The following BUB1 variants were observed in gnomAD, a reference collection of about 807,000 sequenced individuals.
BUB1 encodes BUB1 mitotic checkpoint serine/threonine kinase.
A neutral mutation model predicts 135.2 loss-of-function variants in BUB1; 84 were observed. The observed-to-expected ratio is 0.62, with a 90% CI of 0.52 to 0.74. The LOEUF (loss-of-function observed/expected upper bound fraction) is 0.74, where lower values mean the gene tolerates loss of function less well. Among genes scored for constraint, BUB1 ranks in the 30% least tolerant of loss-of-function variants. The pLI, the probability that BUB1 is intolerant of heterozygous loss-of-function variation, is 0.00. For missense variants in BUB1, 1,162 were observed against 1,288.3 expected, an observed-to-expected ratio of 0.90 and a Z score of 1.50; for synonymous variants, 403 against 434.4, an observed-to-expected ratio of 0.93 and a Z score of 0.90.
Position 110,641,468 on chromosome 2 carries a change from G to C in BUB1, c.2626-4C>G. The C allele has an allele frequency of 6.3e-7, 1 of 1,597,430 alleles. No homozygotes were observed. Among genetic ancestry groups the C allele is most frequent in the East Asian group, 2.2e-5 (1 of 44,730 alleles). ...TTTTATAGAGGTTAATGGCATTCTA[G>C]GAACAATGGAAAGTGGAATCCTGAG... On this transcript the variant is annotated splice_polypyrimidine_tract_variant and splice_region_variant and intron_variant, in intron 21 of 24. Coordinates refer to ENST00000302759, the MANE Select transcript of BUB1 (RefSeq NM_004336.5).
rs1258397831 is a variant in BUB1 at position 110,648,191 on chromosome 2, G to A, written c.2347+1043C>T. Reference sequence around the variant, plus strand: ...AGGTTTAACGGTGTGGTACATTCATGCACTAAACATTATTCAGTGATAAAA... The same window carrying A: ...AGGTTTAACGGTGTGGTACATTCATACACTAAACATTATTCAGTGATAAAA... On this transcript the variant is annotated intron_variant, in intron 19 of 24. Transcript: ENST00000302759. This position sits in a 1 kb window ranked among gnomAD's most constrained non-coding sequence, Gnocchi z 4.2. Among the ~76,000 whole-genome samples, 1 of 151,588 alleles carries A rather than the reference G, an allele frequency of 6.6e-6. No individual in the cohort carries two copies. The highest frequency in any genetic ancestry group is 2.4e-5 in the African/African-American group (1 of 41,224).
intron 17 of BUB1, among the ~76,000 whole-genome samples, chr2:110,651,399 AT>A (rs1276399831): frequency 2.6e-5 from 4 of 152,106 alleles, no homozygotes; most frequent in African/African-American, 9.7e-5. Flanking sequence ...GAAAAAAAAA[AT>A]TTTTTTAATG....
chr2:110,666,460 G>T, intron 8 of BUB1, 46 bp from the exon 9 acceptor site: 2 of 1,273,494 alleles, frequency 1.6e-6, no homozygotes, highest in Non-Finnish European at 2.0e-6. Context: ...TTAAATCCAG[G>T]TCATCATAGG....
chr2:110,665,151 T>C (rs532027851), intron 9 of BUB1, among the ~76,000 whole-genome samples: 2 of 152,342 alleles, frequency 1.3e-5, no homozygotes, highest in South Asian at 2.1e-4. Flanking sequence ...CAGTGAAAGA[T>C]CTATCAGAGG....
At position 110,669,570 on chromosome 2, in the gene BUB1, G is replaced by A; in HGVS notation, c.467-17C>T. On this transcript the variant is annotated splice_polypyrimidine_tract_variant and intron_variant, in intron 5 of 24. Coordinates refer to ENST00000302759, the MANE Select transcript of BUB1 (RefSeq NM_004336.5). ...AGGTTCTAGCTATGAGGGAAAAGAG[G>A]ATAAAATACGGAGAAATTAAGGGTA... is the stretch of plus-strand genomic sequence containing the variant. 1 of 1,495,092 alleles carries A rather than the reference G, an allele frequency of 6.7e-7. No homozygotes were observed. The highest frequency in any genetic ancestry group is 9.3e-7 in the Non-Finnish European group (1 of 1,074,894). The allele number at this position is 1,495,092 out of a possible 1,614,324, so 92.6% of individuals were successfully genotyped here.
rs1159007405 is a variant in BUB1, at chr2:110,667,856, A to C, written c.568-7T>G. The stretch of plus-strand genomic sequence containing the variant: ...CTCCAGAAAGCTCTGAACCCTAAAA[A>C]ACAGAAAACAAACATGAGCATTCAC... On this transcript the variant is annotated splice_polypyrimidine_tract_variant and splice_region_variant and intron_variant, in intron 6 of 24. Coordinates refer to ENST00000302759, the MANE Select transcript of BUB1 (RefSeq NM_004336.5). 1 of 1,610,946 alleles carries C rather than the reference A, an allele frequency of 6.2e-7. No individual in the cohort carries two copies. The highest frequency in any genetic ancestry group is 8.5e-7 in the Non-Finnish European group (1 of 1,179,282).
intron 9 of BUB1, among the ~76,000 whole-genome samples, chr2:110,662,717 A>G (rs770364665): frequency 6.6e-6 from 1 of 152,160 alleles, no homozygotes; most frequent in Admixed American, 6.5e-5. Flanking sequence ...TGGGAGGATC[A>G]CTTGAGCCTG....
At chr2:110,670,883 T>C (rs772018316) in intron 4 of BUB1, among the ~76,000 whole-genome samples, 14 of 152,234 alleles carry the variant, frequency 9.2e-5, no homozygotes, top group Non-Finnish European at 2.1e-4. Flanking sequence ...CACAGGATGT[T>C]TGACCTCCTA....
chr2:110,664,022 A>G (rs1403126816), intron 9 of BUB1, among the ~76,000 whole-genome samples: 3 of 144,736 alleles, frequency 2.1e-5, no homozygotes, highest in East Asian at 2.0e-4. Context: ...GTGAGACTCC[A>G]TCTCAAAAAA....
chr2:110,653,657 A>C, intron 16 of BUB1, 134 bp from the exon 17 acceptor site: 3 of 728,758 alleles, frequency 4.1e-6, no homozygotes, highest in Non-Finnish European at 4.5e-6. Flanking sequence ...ATAGTGTTCC[A>C]TTGTAAAATG....
chr2:110,669,215 G>C (rs756372870), intron 6 of BUB1, among the ~76,000 whole-genome samples: 1 of 152,220 alleles, frequency 6.6e-6, no homozygotes, highest in Non-Finnish European at 1.5e-5. Context: ...GGAGAGTAAA[G>C]ACAGGAGGCC....
chr2:110,670,616 A>C, intron 4 of BUB1, 48 bp from the exon 5 acceptor site: 1 of 1,580,928 alleles, frequency 6.3e-7, no homozygotes, highest in Non-Finnish European at 8.7e-7. Context: ...AACTTACAGT[A>C]CATAGCTGTT....
chr2:110,666,302 T>C lies in BUB1; in HGVS notation c.918A>G (p.Thr306=). The change falls in exon 9 of 25, where the codon ACA becomes ACG. Residue 306 remains threonine (T), a synonymous_variant. Coordinates refer to ENST00000302759, the MANE Select transcript of BUB1 (RefSeq NM_004336.5). ...GGGAAGCGGGCAGATCCTCATGGGA[T>C]GTCTCCACCACCTGATGCAACTTCT... ...LHKKLHQVVE[T]SHEDLPASQE... 1 of 1,503,318 alleles carries C rather than the reference T, an allele frequency of 6.7e-7. No individual in the cohort carries two copies. The highest frequency in any genetic ancestry group is 1.4e-5 in the African/African-American group (1 of 71,042). 93.1% of individuals were successfully genotyped at this position (1,503,318 alleles called of 1,614,324 possible).
chr2:110,658,845 T>C, intron 11 of BUB1, 103 bp from the exon 12 acceptor site: 1 of 1,418,664 alleles, frequency 7.0e-7, no homozygotes, highest in Non-Finnish European at 9.6e-7. Context: ...TTTGTCATTG[T>C]TAAAAATTAT....
rs565371686 is a variant in BUB1 at position 110,674,098 on chromosome 2, A to G, written c.213T>C (p.Tyr71=). The G allele has an allele frequency of 1.3e-6, 2 of 1,529,182 alleles. No individual in the cohort carries two copies. The highest frequency in any genetic ancestry group is 2.3e-5 in the East Asian group (1 of 44,350). 94.7% of individuals were successfully genotyped at this position (1,529,182 alleles called of 1,614,324 possible). ...KYHNDPRFIS[Y]CLKFAEYNSD... is the part of the protein sequence containing the mutation. Reference sequence around the variant, plus strand: ...TAAGTATACTTACAAATTTTAAACAATAACTGATGAATCTTGGGTCATTGT... The same window carrying G: ...TAAGTATACTTACAAATTTTAAACAGTAACTGATGAATCTTGGGTCATTGT... The change falls in exon 3 of 25, where the codon TAT becomes TAC. Residue 71 remains tyrosine (Y), a synonymous_variant. Transcript: ENST00000302759.
intron 12 of BUB1, 45 bp from the exon 13 acceptor site, chr2:110,658,565 T>C (rs1001354213): frequency 6.2e-7 from 1 of 1,613,848 alleles, no homozygotes; most frequent in Non-Finnish European, 8.5e-7. Flanking sequence ...GCAAAAGAGC[T>C]TTCATTAACT....
chr2:110,667,803 G>T lies in BUB1; in HGVS notation c.614C>A (p.Ser205Ter). 6.2e-7 allele frequency: 1 copy of T among 1,613,190 alleles called. No individual in the cohort carries two copies. Among genetic ancestry groups the T allele is most frequent in the South Asian group, 1.1e-5 (1 of 90,878 alleles). Reference sequence around the variant, plus strand: ...ATGCACTGATTATACTTGCATATTTGACTCTTTATCACAAGCTGAAGATAT... The same window carrying T: ...ATGCACTGATTATACTTGCATATTTTACTCTTTATCACAAGCTGAAGATAT... Reference protein sequence around the residue: ...GVISSACDKESNMERRVITIS... With the variant: ...GVISSACDKE Residue 205 changes from serine (S) to a stop codon, truncating the protein, a stop_gained, in exon 7 of 25, where the codon TCA (serine) becomes TAA (stop). Transcript: ENST00000302759. LOFTEE classifies it high-confidence loss of function.
intron 24 of BUB1, 81 bp downstream of exon 24, chr2:110,639,661 T>TC: frequency 5.0e-5 from 9 of 181,550 alleles, no homozygotes; most frequent in Middle Eastern, 1.8e-3. Flanking sequence ...GCAGAGATCC[T>TC]TTTTTTTTTT....
At chr2:110,653,955 A>C (rs1426293580) in intron 16 of BUB1, among the ~76,000 whole-genome samples, 1 of 152,246 alleles carries the variant, frequency 6.6e-6, no homozygotes, top group Non-Finnish European at 1.5e-5. Context: ...CACTGCACTC[A>C]GCCTGGGCAA....
Sources: allele counts gnomAD v4.1 joint callset (sites outside exome capture counted in the v4.1 genomes callset), GRCh38; gene constraint gnomAD v4.1.1; non-coding constraint Gnocchi (gnomAD v3.1); transcripts MANE v1.5; gene names NCBI Gene and HGNC (gene_info 2026-07-23, HGNC 2026-07-21).